Variants in DYNC1H1 observed in about 807,000 individuals in gnomAD.
DYNC1H1 encodes the protein cytoplasmic dynein 1 heavy chain 1.
DYNC1H1 carries 51 observed loss-of-function variants against 527.1 expected under a neutral mutation model. The observed-to-expected ratio is 0.10, with a 90% CI of 0.08 to 0.12. The LOEUF is 0.12. DYNC1H1 is among the 10% of genes least tolerant of loss of function. DYNC1H1 has a pLI of 1.00. For synonymous variants in DYNC1H1, 2,189 were observed against 2,278.8 expected, an observed-to-expected ratio of 0.96 and a Z score of 1.12; for missense variants, 2,771 against 5,971.8, an observed-to-expected ratio of 0.46 and a Z score of 17.66.
intron 23 of DYNC1H1, among the ~76,000 whole-genome samples, chr14:102,003,772 A>C (rs976757900): frequency 4.6e-5 from 7 of 151,894 alleles, no homozygotes; most frequent in Non-Finnish European, 1.0e-4. Flanking sequence ...ACAAAAATAC[A>C]AAAATTAGCC....
chr14:102,045,962 G>C (rs943464613), intron 72 of DYNC1H1, among the ~76,000 whole-genome samples: 3 of 151,924 alleles, frequency 2.0e-5, no homozygotes, highest in African/African-American at 7.2e-5. Context: ...GTCAGGAGAT[G>C]GAGACCATCC....
At position 102,015,964 on chromosome 14, in the gene DYNC1H1, C is replaced by T. The variant is rs1415287907; in HGVS notation, c.7351C>T (p.Arg2451Cys). Residue 2451 changes from arginine (R) to cysteine (C), a missense_variant, in exon 36 of 78, where the codon CGC becomes TGC. By Grantham distance (180) the Arg-to-Cys change is radical. Around this residue, in one of 32 missense-constraint regions of DYNC1H1, gnomAD observed 122 missense variants for 168.4 expected, o/e 0.72. Transcript: ENST00000360184. The surrounding 1 kb of genome is among the most constrained non-coding windows in gnomAD (Gnocchi z 6.9). ...GCTGGAGCACATCATGGACCTAACA[C>T]GCCTGCGCTGCCTGGGCTCGCTCTT... ...FQLEHIMDLT[R>C]LRCLGSLFSM... 7.4e-6 allele frequency: 12 copies of T among 1,614,032 alleles called. No individual in the cohort carries two copies. Among genetic ancestry groups the T allele is most frequent in the Non-Finnish European group, 1.0e-5 (12 of 1,180,048 alleles).
intron 51 of DYNC1H1, among the ~76,000 whole-genome samples, chr14:102,031,382 G>A (rs370099402): frequency 1.3e-4 from 20 of 151,952 alleles, no homozygotes; most frequent in Non-Finnish European, 2.4e-4. Flanking sequence ...CTATAGGTGC[G>A]CGCCGCCACA....
At position 102,011,844 on chromosome 14, in the gene DYNC1H1, G is replaced by C; in HGVS notation, c.6619-31G>C. ...GCTGTCCCCATTCCTCCTCTGGGAT[G>C]GTCACTGTGCTGGTCTGTTGGGCCC... On this transcript the variant is annotated intron_variant, in intron 32 of 77. Transcript: ENST00000360184. The surrounding 1 kb of genome is among the most constrained non-coding windows in gnomAD (Gnocchi z 5.3). 6.2e-7 allele frequency: 1 copy of C among 1,610,046 alleles called. No individual in the cohort carries two copies.
chr14:102,001,016 G>A lies in DYNC1H1; in HGVS notation c.4137G>A (p.Gln1379=), dbSNP rs781347128. ...AAAGCTTCCCTGCCCGGTTGCGACA[G>A]TATGCGTCCTATGAGTTTGTTCAGA... is the stretch of plus-strand genomic sequence containing the variant. ...QLKSFPARLR[Q]YASYEFVQRL... Residue 1379 remains glutamine, a synonymous_variant, in exon 19 of 78, where the codon CAG becomes CAA. Transcript: ENST00000360184. The surrounding 1 kb of genome is among the most constrained non-coding windows in gnomAD (Gnocchi z 5.0). 1 of 1,614,228 alleles carries A rather than the reference G, an allele frequency of 6.2e-7. No individual in the cohort carries two copies. Among genetic ancestry groups the A allele is most frequent in the Non-Finnish European group, 8.5e-7 (1 of 1,180,046 alleles).
rs913246131 is a variant in DYNC1H1, at chr14:101,990,120, G to A, written c.2868+1268G>A. Among the ~76,000 whole-genome samples the A allele has an allele frequency of 5.3e-5, 8 of 152,154 alleles. No individual in the cohort carries two copies. The South Asian group carries it at 6.2e-4, about 12-fold the overall frequency. On this transcript the variant is annotated intron_variant, in intron 10 of 77. Transcript: ENST00000360184. ...TGCACAGTGATAGAATCGCCTCACC[G>A]TGATTCTCAGAACGTATCCCTGTTG...
At chr14:102,014,606 C>T (rs1458296026) in intron 34 of DYNC1H1, among the ~76,000 whole-genome samples, 1 of 151,870 alleles carries the variant, frequency 6.6e-6, no homozygotes, top group Non-Finnish European at 1.5e-5. Context: ...GATCCACGCC[C>T]GGTGCGCACC....
chr14:102,047,639 G>GTGTATATA (rs1245552859), intron 72 of DYNC1H1, 178 bp from the exon 73 acceptor site: 10 of 352,020 alleles, frequency 2.8e-5, no homozygotes, highest in Admixed American at 9.0e-5. Flanking sequence ...GTGTGTGTGT[G>GTGTATATA]TGTATATATA....
Position 102,033,953 on chromosome 14 carries a change from A to G in DYNC1H1, c.10414-23A>G. ...ATCCTGAAAGGCCTCATCCCTGAGC[A>G]TCTTGTTCGGTTTTCCTTTTAGGTA... is the stretch of plus-strand genomic sequence containing the variant. On this transcript the variant is annotated intron_variant, in intron 54 of 77. Transcript: ENST00000360184. This position sits in a 1 kb window ranked among gnomAD's most constrained non-coding sequence, Gnocchi z 5.6. 1 of 1,613,018 alleles carries G rather than the reference A, an allele frequency of 6.2e-7. No homozygotes were observed. Among genetic ancestry groups the G allele is most frequent in the Non-Finnish European group, 8.5e-7 (1 of 1,179,576 alleles).
In DYNC1H1 at chr14:102,020,607, C is replaced by T. The variant is rs17512530; in HGVS notation, c.8507+551C>T. ...GGTTTTCTCTTTTACCTGTTGCCCACTTGGATCAATTCTTGTCTTGTAAGT... is the reference window on the plus strand; with the variant it reads ...GGTTTTCTCTTTTACCTGTTGCCCATTTGGATCAATTCTTGTCTTGTAAGT... On this transcript the variant is annotated intron_variant, in intron 42 of 77. Transcript: ENST00000360184. The surrounding 1 kb of genome is among the most constrained non-coding windows in gnomAD (Gnocchi z 4.3). Among the ~76,000 whole-genome samples the T allele has an allele frequency of 0.01, 1,563 of 152,280 alleles. 23 individuals are homozygous for T. The highest frequency in any genetic ancestry group is 0.036 in the African/African-American group (1,489 of 41,540).
rs1169712846 is a variant in DYNC1H1 at position 102,022,874 on chromosome 14, G to A, written c.8631G>A (p.Leu2877=). 9.9e-6 allele frequency: 16 copies of A among 1,614,104 alleles called. No individual in the cohort carries two copies. Among genetic ancestry groups the A allele is most frequent in the South Asian group, 2.2e-5 (2 of 91,086 alleles). The stretch of plus-strand genomic sequence containing the variant: ...GACCCATCTTGTACAGCAACTGGCT[G>A]TCAAAGGTAGCAAACTCGCATCATT... The part of the protein sequence containing the change: ...MSRPILYSNW[L]SKDYIPVDQE... The change falls in exon 43 of 78, where the codon CTG becomes CTA. Residue 2877 remains leucine, a synonymous_variant. Coordinates refer to ENST00000360184, the MANE Select transcript of DYNC1H1 (RefSeq NM_001376.5).
chr14:101,971,497 C>T (rs892833163), intron 1 of DYNC1H1, among the ~76,000 whole-genome samples: 1 of 152,168 alleles, frequency 6.6e-6, no homozygotes, highest in Non-Finnish European at 1.5e-5. Context: ...GAGGCTGAGG[C>T]AGGCAGATCA....
rs550267142 is a variant in DYNC1H1 at position 102,028,818 on chromosome 14, T to G, written c.9468+677T>G. On this transcript the variant is annotated intron_variant, in intron 48 of 77. Coordinates refer to ENST00000360184, the MANE Select transcript of DYNC1H1 (RefSeq NM_001376.5). Reference sequence around the variant, plus strand: ...TCATAAATGTTTTAACCTTTACAGGTGGAGTAGTCTCGGGCACAGCTACTC... The same window carrying G: ...TCATAAATGTTTTAACCTTTACAGGGGGAGTAGTCTCGGGCACAGCTACTC... 4.3e-5 allele frequency: 7 copies of G among 162,044 alleles called. No individual in the cohort carries two copies. In the East Asian group the frequency reaches 8.8e-4, roughly 20 times the overall value. 10.0% of individuals were successfully genotyped at this position (162,044 alleles called of 1,614,324 possible). A position where few individuals can be genotyped will look rare whatever the true frequency, so the allele number is the denominator to read the frequency against.
chr14:102,027,708 G>T lies in DYNC1H1; in HGVS notation c.9138G>T (p.Ser3046=), dbSNP rs34338935. The change falls in exon 47 of 78, where the codon TCG becomes TCT. Residue 3046 remains serine, a synonymous_variant. Coordinates refer to ENST00000360184, the MANE Select transcript of DYNC1H1 (RefSeq NM_001376.5). This position sits in a 1 kb window ranked among gnomAD's most constrained non-coding sequence, Gnocchi z 7.7. ...AGAAGGAAGGCCTGATGCTGGACTC[G>T]CACGAGGAGCTCTACAAGTGGTTCA... ...GAQKEGLMLD[S]HEELYKWFTS... 720 of 1,614,140 alleles carry T rather than the reference G, an allele frequency of 4.5e-4. 5 individuals are homozygous for T. In the African/African-American group the frequency reaches 8.6e-3, roughly 19 times the overall value.
intron 23 of DYNC1H1, among the ~76,000 whole-genome samples, chr14:102,004,287 C>T (rs1409543892): frequency 6.6e-6 from 1 of 152,114 alleles, no homozygotes; most frequent in Non-Finnish European, 1.5e-5. Context: ...CTTACTAAGG[C>T]AAATGACATG....
chr14:101,987,349 C>A, intron 8 of DYNC1H1, 104 bp from the exon 9 acceptor site: 3 of 1,276,390 alleles, frequency 2.4e-6, no homozygotes, highest in Non-Finnish European at 3.3e-6. Context: ...AAGAACTGTG[C>A]CTGGAGCATT....
chr14:101,988,678 T>C, intron 9 of DYNC1H1, 25 bp from the exon 10 acceptor site: 1 of 1,614,058 alleles, frequency 6.2e-7, no homozygotes, highest in Non-Finnish European at 8.5e-7. Context: ...AGAAACACTG[T>C]TCTCTGATAT....
At position 102,038,158 on chromosome 14, in the gene DYNC1H1, T is replaced by C. The variant is rs909148603; in HGVS notation, c.10909-302T>C. 1 of 408,146 alleles carries C rather than the reference T, an allele frequency of 2.5e-6. No individual in the cohort carries two copies. The highest frequency in any genetic ancestry group is 4.6e-6 in the Non-Finnish European group (1 of 215,272). 25.3% of individuals were successfully genotyped at this position (408,146 alleles called of 1,614,324 possible). On this transcript the variant is annotated intron_variant, in intron 57 of 77. Coordinates refer to ENST00000360184, the MANE Select transcript of DYNC1H1 (RefSeq NM_001376.5). The surrounding 1 kb of genome is among the most constrained non-coding windows in gnomAD (Gnocchi z 7.2). ...CACCCCCAGCTAACTTTCGTATTTTTAGTAGAGATGGAGTTTCACCATGTT... is the reference window on the plus strand; with the variant it reads ...CACCCCCAGCTAACTTTCGTATTTTCAGTAGAGATGGAGTTTCACCATGTT...
In DYNC1H1 at chr14:102,041,848, G is replaced by C; in HGVS notation, c.12102+114G>C. 1 of 1,558,656 alleles carries C rather than the reference G, an allele frequency of 6.4e-7. No homozygotes were observed. Among genetic ancestry groups the C allele is most frequent in the Non-Finnish European group, 8.8e-7 (1 of 1,142,622 alleles). Reference sequence around the variant, plus strand: ...ACTCCGGGCTACAGTCTCCTCCTAAGACCAGGAACTCGCTGCAGATTCTCA... The same window carrying C: ...ACTCCGGGCTACAGTCTCCTCCTAACACCAGGAACTCGCTGCAGATTCTCA... On this transcript the variant is annotated intron_variant, in intron 65 of 77. Transcript: ENST00000360184. The surrounding 1 kb of genome is among the most constrained non-coding windows in gnomAD (Gnocchi z 4.5).
Sources: allele counts gnomAD v4.1 joint callset (sites outside exome capture counted in the v4.1 genomes callset), GRCh38; gene constraint gnomAD v4.1.1; regional missense constraint gnomAD v4.1.1; non-coding constraint Gnocchi (gnomAD v3.1); transcripts MANE v1.5; gene names NCBI Gene and HGNC (gene_info 2026-07-23, HGNC 2026-07-21).